RALGPS1: variants seen among roughly 807,000 people sequenced by gnomAD.
RALGPS1 encodes ras-specific guanine nucleotide-releasing factor RalGPS1.
In RALGPS1, 19 loss-of-function variants were observed where a neutral mutation model predicts 78.8. The ratio of observed to expected loss-of-function variants is 0.24; its 90% CI spans 0.17 to 0.35. The LOEUF (loss-of-function observed/expected upper bound fraction) is 0.35, where lower values mean the gene tolerates loss of function less well. RALGPS1 is among the 10% of genes least tolerant of loss of function. The pLI is 1.00. For synonymous variants in RALGPS1, 228 were observed against 256.3 expected (o/e 0.89, Z 1.06); for missense variants, 454 against 688.3 (o/e 0.66, Z 3.81).
intron 8 of RALGPS1, among the ~76,000 whole-genome samples, chr9:127,099,783 A>C (rs2053537515): frequency 6.6e-6 from 1 of 152,270 alleles, no homozygotes; most frequent in Non-Finnish European, 1.5e-5. Flanking sequence ...AAGGCATTTC[A>C]GTTCCTGCAG....
intron 4 of RALGPS1, 113 bp from the exon 5 acceptor site, chr9:127,034,318 C>T: frequency 1.1e-6 from 1 of 908,482 alleles, no homozygotes; most frequent in Non-Finnish European, 1.8e-6. Flanking sequence ...TGGGAACAGC[C>T]AAGGTGTCAG....
At chr9:127,041,861 A>G (rs1235938214) in intron 5 of RALGPS1, among the ~76,000 whole-genome samples, 1 of 152,136 alleles carries the variant, frequency 6.6e-6, no homozygotes, top group Non-Finnish European at 1.5e-5. Context: ...GGAAACGGGG[A>G]GGCAGTTGGC....
intron 1 of RALGPS1, among the ~76,000 whole-genome samples, chr9:126,919,227 A>G (rs2034503522): frequency 6.6e-6 from 1 of 152,154 alleles, no homozygotes; most frequent in African/African-American, 2.4e-5. Flanking sequence ...CCTTCTTAAT[A>G]AATGTTTTTG....
intron 7 of RALGPS1, among the ~76,000 whole-genome samples, chr9:127,063,149 A>C (rs1168752054): frequency 6.6e-6 from 1 of 152,250 alleles, no homozygotes; most frequent in Non-Finnish European, 1.5e-5. Flanking sequence ...CTCATAAAGA[A>C]AATTTGGAGA....
chr9:127,057,900 C>A (rs184119506), intron 7 of RALGPS1, among the ~76,000 whole-genome samples: 113 of 152,322 alleles, frequency 7.4e-4, no homozygotes, highest in African/African-American at 2.6e-3. Flanking sequence ...CAGCAAAGAG[C>A]TGTCAAATTG....
chr9:126,976,397 T>TCG (rs2040644243), intron 3 of RALGPS1, among the ~76,000 whole-genome samples: 1 of 150,408 alleles, frequency 6.6e-6, no homozygotes, highest in African/African-American at 2.5e-5. Flanking sequence ...ACACTCACAT[T>TCG]CACAGTCACA....
intron 7 of RALGPS1, among the ~76,000 whole-genome samples, chr9:127,065,609 AT>A (rs1008465851): frequency 8.5e-5 from 13 of 152,048 alleles, no homozygotes; most frequent in African/African-American, 3.1e-4. Context: ...TTTTATGTTT[AT>A]TTTTTATTAT....
rs541983890 is a variant in RALGPS1 at position 127,018,682 on chromosome 9, C to T, written c.217-15749C>T. Among the ~76,000 whole-genome samples, 8 of 134,348 alleles carry T rather than the reference C, an allele frequency of 6.0e-5. No homozygotes were observed. The East Asian group carries it at 7.0e-4, about 12-fold the overall frequency. The allele number at this position is 134,348 out of a possible 152,430, so 88.1% of individuals were successfully genotyped here. Reference sequence around the variant, plus strand: ...ATAATAATAATAATAATAATAATAACGATGAAAAGTATAGCAAATACATAA... The same window carrying T: ...ATAATAATAATAATAATAATAATAATGATGAAAAGTATAGCAAATACATAA... On this transcript the variant is annotated intron_variant, in intron 4 of 18. Coordinates refer to ENST00000259351, the MANE Select transcript of RALGPS1 (RefSeq NM_014636.3).
chr9:126,939,667 C>T (rs1050498925), intron 1 of RALGPS1, among the ~76,000 whole-genome samples: 3 of 152,252 alleles, frequency 2.0e-5, no homozygotes, highest in African/African-American at 7.2e-5. Flanking sequence ...AGGATTCAAA[C>T]CCAGGACAGT....
At chr9:126,959,593 C>CTTTTTTTT (rs11296664) in intron 1 of RALGPS1, among the ~76,000 whole-genome samples, 1 of 144,172 alleles carries the variant, frequency 6.9e-6, no homozygotes, top group African/African-American at 2.6e-5. Flanking sequence ...CTGACCAGTT[C>CTTTTTTTT]TTTTTTTTTT....
intron 8 of RALGPS1, among the ~76,000 whole-genome samples, chr9:127,141,528 G>C (rs574060033): frequency 9.9e-5 from 15 of 150,792 alleles, no homozygotes; most frequent in Non-Finnish European, 1.9e-4. Context: ...CAGGCCAGTG[G>C]GTCCCAGACT....
In RALGPS1 at chr9:127,205,658, C is replaced by T. The variant is rs1451366897; in HGVS notation, c.1248-6473C>T. On this transcript the variant is annotated intron_variant, in intron 14 of 18. Transcript: ENST00000259351. This position sits in a 1 kb window ranked among gnomAD's most constrained non-coding sequence, Gnocchi z 4.0. ...CTCCTTCCATCTTGTGTCCATCCTT[C>T]TCTGTGCATATCTGCTTTACCCCTC... Among the ~76,000 whole-genome samples, 1 of 152,252 alleles carries T rather than the reference C, an allele frequency of 6.6e-6. No individual in the cohort carries two copies. The highest frequency in any genetic ancestry group is 1.5e-5 in the Non-Finnish European group (1 of 68,048).
intron 5 of RALGPS1, 36 bp downstream of exon 5, chr9:127,034,550 G>C (rs745708948): frequency 6.4e-7 from 1 of 1,569,348 alleles, no homozygotes; most frequent in Non-Finnish European, 8.8e-7. Context: ...TATCCAGAGA[G>C]CAATCTGCTG....
chr9:126,930,174 G>GT (rs368081539), intron 1 of RALGPS1, among the ~76,000 whole-genome samples: 467 of 139,990 alleles, frequency 3.3e-3, no homozygotes, highest in Middle Eastern at 7.4e-3. Flanking sequence ...TTTTATTTTA[G>GT]TTTTTTTTTT....
At chr9:127,214,946 A>T in intron 18 of RALGPS1, 104 bp downstream of exon 18, 1 of 1,555,882 alleles carries the variant, frequency 6.4e-7, no homozygotes, top group South Asian at 1.2e-5. Context: ...AGAGCCCATT[A>T]GCCACACTCT....
At chr9:127,139,668 C>G (rs546921287) in intron 8 of RALGPS1, among the ~76,000 whole-genome samples, 1 of 152,210 alleles carries the variant, frequency 6.6e-6, no homozygotes, top group African/African-American at 2.4e-5. Flanking sequence ...GGCCCTCATC[C>G]CAGTCACCAC....
At chr9:127,062,120 C>T (rs546132599) in intron 7 of RALGPS1, among the ~76,000 whole-genome samples, 4 of 151,872 alleles carry the variant, frequency 2.6e-5, no homozygotes, top group African/African-American at 4.8e-5. Flanking sequence ...TGTTTTGAGA[C>T]GGAGTCTCGC....
In RALGPS1 at chr9:127,222,126, A is replaced by G. The variant is rs1336819486; in HGVS notation, c.*3357A>G. On this transcript the variant is annotated 3_prime_UTR_variant, in exon 19 of 19. Transcript: ENST00000259351. Reference sequence around the variant, plus strand: ...TTCACAGCACTAGCAAGTGCTGCCTATGCTGAGAACAAGTCAGATCTGATC... The same window carrying G: ...TTCACAGCACTAGCAAGTGCTGCCTGTGCTGAGAACAAGTCAGATCTGATC... 2 of 152,252 alleles carry G rather than the reference A, an allele frequency of 1.3e-5. No homozygotes were observed. Among genetic ancestry groups the G allele is most frequent in the Non-Finnish European group, 2.9e-5 (2 of 68,048 alleles). 9.4% of individuals were successfully genotyped at this position (152,252 alleles called of 1,614,324 possible). A position where few individuals can be genotyped will look rare whatever the true frequency, so the allele number is the denominator to read the frequency against.
Position 126,977,836 on chromosome 9 carries a change from C to A in RALGPS1, c.216+91C>A. The stretch of plus-strand genomic sequence containing the variant: ...ACTGTTAGAGTGTCTCAGTTTCTCT[C>A]TTGCAGGCTCTATAAATGCATGTTA... On this transcript the variant is annotated intron_variant, in intron 4 of 18. Coordinates refer to ENST00000259351, the MANE Select transcript of RALGPS1 (RefSeq NM_014636.3). 3 of 863,990 alleles carry A rather than the reference C, an allele frequency of 3.5e-6. No individual in the cohort carries two copies. The South Asian group carries it at 5.0e-5, about 14-fold the overall frequency. The allele number at this position is 863,990 out of a possible 1,614,324, so 53.5% of individuals were successfully genotyped here. A position where few individuals can be genotyped will look rare whatever the true frequency, so the allele number is the denominator to read the frequency against.
Sources: allele counts gnomAD v4.1 joint callset (sites outside exome capture counted in the v4.1 genomes callset), GRCh38; gene constraint gnomAD v4.1.1; non-coding constraint Gnocchi (gnomAD v3.1); transcripts MANE v1.5; gene names NCBI Gene and HGNC (gene_info 2026-07-23, HGNC 2026-07-21).